UBE2E2: variants seen among roughly 807,000 people sequenced by gnomAD.
UBE2E2 encodes the protein ubiquitin-conjugating enzyme E2 E2.
Under a neutral mutation model 24.7 loss-of-function variants are expected in UBE2E2, and 6 were observed. That is an observed-to-expected ratio of 0.24 (90% confidence interval 0.13 to 0.48). UBE2E2 has a LOEUF of 0.48. Ranked by LOEUF, UBE2E2 falls within the 20% of genes least tolerant of loss-of-function variation. UBE2E2 has a pLI of 0.99. For missense variants in UBE2E2, 169 were observed against 245.0 expected, an observed-to-expected ratio of 0.69 and a Z score of 2.07; for synonymous variants, 104 against 83.6, an observed-to-expected ratio of 1.24 and a Z score of -1.33.
chr3:23,590,743 T>C lies in UBE2E2; in HGVS notation c.*912T>C, dbSNP rs7631705. ...TTAGCATGTGGAATTTCTCCAGCTG[T>C]CAGTAGCCTGATGATTTTATGGTTG... is the stretch of plus-strand genomic sequence containing the variant. On this transcript the variant is annotated 3_prime_UTR_variant, in exon 6 of 6. Transcript: ENST00000396703. The C allele has an allele frequency of 0.26, 39,196 of 152,118 alleles. 5,522 individuals are homozygous for C. The highest frequency in any genetic ancestry group is 0.37 in the East Asian group (1,900 of 5,190). The allele number at this position is 152,118 out of a possible 1,614,324, so 9.4% of individuals were successfully genotyped here.
At chr3:23,271,981 G>A (rs908519434) in intron 3 of UBE2E2, among the ~76,000 whole-genome samples, 9 of 152,328 alleles carry the variant, frequency 5.9e-5, no homozygotes, top group South Asian at 2.1e-4. Context: ...AGTGGATCCC[G>A]CGCCAGGGCC....
chr3:23,328,495 A>G (rs1010074006), intron 3 of UBE2E2, among the ~76,000 whole-genome samples: 1 of 152,224 alleles, frequency 6.6e-6, no homozygotes, highest in African/African-American at 2.4e-5. Context: ...AAGCATGTTT[A>G]AGATAGGCTA....
chr3:23,327,683 C>T (rs955942546), intron 3 of UBE2E2, among the ~76,000 whole-genome samples: 1 of 152,174 alleles, frequency 6.6e-6, no homozygotes, highest in Non-Finnish European at 1.5e-5. Context: ...GTATGTGACT[C>T]GTTCTCTTTT....
chr3:23,343,363 G>C (rs997765634), intron 3 of UBE2E2, among the ~76,000 whole-genome samples: 1 of 152,192 alleles, frequency 6.6e-6, no homozygotes, highest in East Asian at 1.9e-4. Context: ...ATCACCTGAG[G>C]TGAGGAGTTC....
rs375749180 is a variant in UBE2E2 at position 23,255,384 on chromosome 3, A to G, written c.227+38072A>G. Among the ~76,000 whole-genome samples, 7 of 151,908 alleles carry G rather than the reference A, an allele frequency of 4.6e-5. No homozygotes were observed. The East Asian group carries it at 5.8e-4, about 13-fold the overall frequency. On this transcript the variant is annotated intron_variant, in intron 3 of 5. Coordinates refer to ENST00000396703, the MANE Select transcript of UBE2E2 (RefSeq NM_152653.4). ...GCTGGGATTACAGGCGTGAGCTACC[A>G]TGCCAGGACAAGGAGTAATATTTAT...
chr3:23,533,619 ATTTTTTTTTT>A (rs759984741), intron 5 of UBE2E2, among the ~76,000 whole-genome samples: 2 of 108,508 alleles, frequency 1.8e-5, no homozygotes, highest in Non-Finnish European at 1.8e-5. Context: ...GCAAATTAGT[ATTTTTTTTTT>A]TTTTTTTTTT....
chr3:23,420,719 G>GT (rs893872435), intron 3 of UBE2E2, among the ~76,000 whole-genome samples: 18 of 151,858 alleles, frequency 1.2e-4, no homozygotes, highest in South Asian at 2.1e-4. Flanking sequence ...ATCATGATAT[G>GT]TTTTTTTTGC....
rs1455789136 is a variant in UBE2E2, at chr3:23,208,390, A to G, written c.-8-302A>G. On this transcript the variant is annotated intron_variant, in intron 1 of 5. Coordinates refer to ENST00000396703, the MANE Select transcript of UBE2E2 (RefSeq NM_152653.4). The stretch of plus-strand genomic sequence containing the variant: ...CAGTACATTATGTGAATATACTACT[A>G]TATTTTGTTCATCCATTCATTTGTT... Among the ~76,000 whole-genome samples the G allele has an allele frequency of 3.3e-5, 5 of 152,222 alleles. No individual in the cohort carries two copies. The South Asian group carries it at 8.3e-4, about 25-fold the overall frequency.
chr3:23,426,888 T>C (rs565846824), intron 3 of UBE2E2, among the ~76,000 whole-genome samples: 1 of 152,154 alleles, frequency 6.6e-6, no homozygotes, highest in South Asian at 2.1e-4. Flanking sequence ...CTGTACAAAA[T>C]AATAGCAACA....
At chr3:23,258,450 CCTA>C (rs2125351991) in intron 3 of UBE2E2, among the ~76,000 whole-genome samples, 1 of 152,256 alleles carries the variant, frequency 6.6e-6, no homozygotes, top group South Asian at 2.1e-4. Flanking sequence ...AGTCACCTAA[CCTA>C]CTGCTTTTGA....
At chr3:23,367,324 C>A (rs899301202) in intron 3 of UBE2E2, among the ~76,000 whole-genome samples, 4 of 152,068 alleles carry the variant, frequency 2.6e-5, no homozygotes, top group Non-Finnish European at 5.9e-5. Context: ...CTGGCAGCAT[C>A]TAGGTAGCTT....
At chr3:23,224,794 G>T (rs1405802754) in intron 3 of UBE2E2, among the ~76,000 whole-genome samples, 1 of 151,900 alleles carries the variant, frequency 6.6e-6, no homozygotes, top group Non-Finnish European at 1.5e-5. Flanking sequence ...GAATAATGCT[G>T]TTATGAACAT....
chr3:23,539,700 T>TAA (rs1268773891), intron 5 of UBE2E2, among the ~76,000 whole-genome samples: 1 of 152,200 alleles, frequency 6.6e-6, no homozygotes, highest in Non-Finnish European at 1.5e-5. Context: ...TTTTGACTGT[T>TAA]ACAGAGTTGT....
Position 23,499,712 on chromosome 3 carries a change from C to T in UBE2E2, c.332C>T (p.Ser111Leu). 6.2e-7 allele frequency: 1 copy of T among 1,613,908 alleles called. No individual in the cohort carries two copies. The highest frequency in any genetic ancestry group is 1.3e-5 in the African/African-American group (1 of 75,014). ...GGVFFLDITFSPDYPFKPPKV... is the reference protein window; with the variant it reads ...GGVFFLDITFLPDYPFKPPKV... The stretch of plus-strand genomic sequence containing the variant: ...GTGTTCTTTCTTGACATTACCTTTT[C>T]ACCAGACTATCCGTTTAAACCCCCT... Residue 111 changes from serine to leucine, a missense_variant, in exon 4 of 6, where the codon TCA becomes TTA. By Grantham distance (145) the Ser-to-Leu change is moderately radical. Transcript: ENST00000396703.
At chr3:23,389,088 T>C (rs1696876715) in intron 3 of UBE2E2, among the ~76,000 whole-genome samples, 2 of 152,044 alleles carry the variant, frequency 1.3e-5, no homozygotes, top group African/African-American at 4.8e-5. Flanking sequence ...ATGACTTGCC[T>C]ACCCTGGTCC....
chr3:23,555,377 G>T (rs1202065911), intron 5 of UBE2E2, among the ~76,000 whole-genome samples: 1 of 152,158 alleles, frequency 6.6e-6, no homozygotes, highest in Non-Finnish European at 1.5e-5. Context: ...ACGAGGTTAA[G>T]TGTTGGCAAA....
intron 3 of UBE2E2, among the ~76,000 whole-genome samples, chr3:23,471,570 C>T (rs1458863766): frequency 6.6e-6 from 1 of 152,080 alleles, no homozygotes; most frequent in African/African-American, 2.4e-5. Flanking sequence ...ATTGCTTGGG[C>T]GTTTTTGTAA....
chr3:23,233,083 T>G (rs188238981), intron 3 of UBE2E2, among the ~76,000 whole-genome samples: 9 of 152,216 alleles, frequency 5.9e-5, no homozygotes, highest in Admixed American at 3.3e-4. Flanking sequence ...GGCTGGTTAG[T>G]TGGTGAGTAA....
intron 3 of UBE2E2, among the ~76,000 whole-genome samples, chr3:23,305,450 G>A (rs1699216198): frequency 6.6e-6 from 1 of 152,186 alleles, no homozygotes; most frequent in African/African-American, 2.4e-5. Flanking sequence ...AGTTAGTACA[G>A]TTTAGATACA....
Sources: gnomAD v4.1 joint callset for allele counts (sites outside exome capture counted in the v4.1 genomes callset) on GRCh38, gnomAD v4.1.1 for gene constraint, MANE v1.5 for transcripts, NCBI Gene and HGNC (gene_info 2026-07-23, HGNC 2026-07-21) for gene names.